The following STK32C variants were observed in gnomAD, a reference collection of about 807,000 sequenced individuals.
The protein encoded by STK32C is serine/threonine kinase 32C, also known as serine/threonine-protein kinase 32C.
A neutral mutation model predicts 56.5 loss-of-function variants in STK32C; 31 were observed. That is an observed-to-expected ratio of 0.55 (90% CI 0.41 to 0.74). STK32C has a LOEUF of 0.74. STK32C is among the 30% of genes least tolerant of loss of function. The pLI is 0.00. For synonymous variants in STK32C, 309 were observed against 289.4 expected, an observed-to-expected ratio of 1.07 and a Z score of -0.69; for missense variants, 544 against 676.9, an observed-to-expected ratio of 0.80 and a Z score of 2.18.
chr10:132,331,657 A>C (rs759933218), exon 1 of STK32C: 1 of 1,612,816 alleles, frequency 6.2e-7, no homozygotes, highest in East Asian at 2.2e-5. Context: ...GTGCCTCAGC[A>C]GCAATTCTTT....
At chr10:132,318,353 C>T (rs934010667) in intron 1 of STK32C, among the ~76,000 whole-genome samples, 16 of 151,992 alleles carry the variant, frequency 1.1e-4, no homozygotes, top group African/African-American at 3.6e-4. Flanking sequence ...CGGTGGCTCA[C>T]GCTTGTAATC....
intron 10 of STK32C, among the ~76,000 whole-genome samples, chr10:132,221,017 C>T (rs538977757): frequency 5.3e-5 from 8 of 152,366 alleles, no homozygotes; most frequent in South Asian, 4.1e-4. Context: ...CATTTCATTA[C>T]GACTCAGATC....
Position 132,234,995 on chromosome 10 carries a change from G to C in STK32C, c.319-6867C>G, listed in dbSNP as rs186267598. Reference sequence around the variant, plus strand: ...GACACACGGTTGGGGAAGAAAGCAAGGTGAAGCTGTGACTGGTGTGAGCGG... The same window carrying C: ...GACACACGGTTGGGGAAGAAAGCAACGTGAAGCTGTGACTGGTGTGAGCGG... On this transcript the variant is annotated intron_variant, in intron 2 of 11. Transcript: ENST00000298630. 1.2e-3 allele frequency among the ~76,000 whole-genome samples: 180 copies of C among 152,326 alleles called. 1 individual carries two copies. The highest frequency in any genetic ancestry group is 4.2e-3 in the African/African-American group (174 of 41,570).
At chr10:132,249,141 T>G (rs778741616) in intron 1 of STK32C, 3 of 299,582 alleles carry the variant, frequency 1.0e-5, no homozygotes, top group Non-Finnish European at 2.1e-5. Context: ...CGTCAGGGCG[T>G]GCAGGGGGCG....
In STK32C at chr10:132,226,754, C is replaced by T. The variant is rs745349355; in HGVS notation, c.644+41G>A. ...CTGACCTAAGGCTGCTTCAGCCCCG[C>T]CCACCTCAGCAGGTACCTGCGCCGT... On this transcript the variant is annotated intron_variant, in intron 4 of 11. Coordinates refer to ENST00000298630, the MANE Select transcript of STK32C (RefSeq NM_173575.4). The T allele has an allele frequency of 4.4e-6, 7 of 1,597,004 alleles. 1 individual carries two copies. In the South Asian group the frequency reaches 6.6e-5, roughly 15 times the overall value.
At chr10:132,331,974 C>G (rs1250375219), upstream of STK32C, 1 of 492,852 alleles carries the variant, frequency 2.0e-6, no homozygotes, top group Non-Finnish European at 3.5e-6. Context: ...ACCCCGCCCC[C>G]TCCCGGGCAG....
chr10:132,232,348 C>G (rs536619291), intron 2 of STK32C, among the ~76,000 whole-genome samples: 13 of 152,296 alleles, frequency 8.5e-5, no homozygotes, highest in African/African-American at 3.1e-4. Context: ...GTGAAGACAA[C>G]AGAGAAGAGG....
chr10:132,307,931 C>T lies in STK32C; in HGVS notation c.-98G>A, dbSNP rs1231540074. ...TAGCGGGAGCGCTCGGGGCCGGCAG[C>T]GCCCGCCGTGCGCTCTTCTGGGCGG... On this transcript the variant is annotated 5_prime_UTR_variant, in exon 1 of 12. Transcript: ENST00000298630. This position sits in a 1 kb window ranked among gnomAD's most constrained non-coding sequence, Gnocchi z 4.4. 3 of 1,071,410 alleles carry T rather than the reference C, an allele frequency of 2.8e-6. No individual in the cohort carries two copies. The highest frequency in any genetic ancestry group is 3.4e-6 in the Non-Finnish European group (3 of 885,338). 66.4% of individuals were successfully genotyped at this position (1,071,410 alleles called of 1,614,324 possible).
At chr10:132,235,497 A>C (rs1459679701) in intron 2 of STK32C, among the ~76,000 whole-genome samples, 10 of 148,318 alleles carry the variant, frequency 6.7e-5, no homozygotes, top group East Asian at 1.9e-4. Context: ...TCAGCCTTAA[A>C]AAAAAAAAAA....
downstream of STK32C, among the ~76,000 whole-genome samples, chr10:132,323,057 C>T (rs11146328): frequency 0.027 from 4,075 of 152,226 alleles, 93 homozygotes; most frequent in African/African-American, 0.046. The surrounding 1 kb of genome is among the most constrained non-coding windows in gnomAD (Gnocchi z 4.8). Context: ...TGCTGCCCTG[C>T]GTCGGACTCA....
At chr10:132,249,167 G>A (rs1279507783) in intron 1 of STK32C, 1 of 409,936 alleles carries the variant, frequency 2.4e-6, no homozygotes, top group African/African-American at 2.1e-5. Flanking sequence ...TGCAGGGGGC[G>A]GGGCTATGGG....
At chr10:132,271,584 G>A (rs531499499) in intron 1 of STK32C, among the ~76,000 whole-genome samples, 1 of 152,322 alleles carries the variant, frequency 6.6e-6, no homozygotes, top group Non-Finnish European at 1.5e-5. Flanking sequence ...GAAGGTGGCC[G>A]TGGCGTCAGC....
chr10:132,218,110 T>C (rs1246816633), intron 10 of STK32C, among the ~76,000 whole-genome samples: 1 of 152,138 alleles, frequency 6.6e-6, no homozygotes, highest in Admixed American at 6.5e-5. Flanking sequence ...CTCCAAGAGT[T>C]TGAGACCAAC....
exon 2 of STK32C, chr10:132,324,241 C>A (rs1590514319): frequency 1.3e-6 from 1 of 779,768 alleles, no homozygotes. Flanking sequence ...TCATTACACA[C>A]CCCCTCTTGA....
exon 1 of STK32C, chr10:132,331,549 A>G: frequency 6.2e-7 from 1 of 1,612,932 alleles, no homozygotes; most frequent in Non-Finnish European, 8.5e-7. Flanking sequence ...ATTTGGGGAC[A>G]AGCAGCTCCT....
At position 132,245,782 on chromosome 10, in the gene STK32C, G is replaced by A; in HGVS notation, c.318+118C>T. On this transcript the variant is annotated intron_variant, in intron 2 of 11. Transcript: ENST00000298630. ...CTAAAAGACCTGGAGCCTCTGCCCA[G>A]GTAAGGCTGCTTCTCCCAAGGAGGA... The A allele has an allele frequency of 3.9e-6, 4 of 1,036,180 alleles. No individual in the cohort carries two copies. The South Asian group carries it at 5.5e-5, about 14-fold the overall frequency. 64.2% of individuals were successfully genotyped at this position (1,036,180 alleles called of 1,614,324 possible).
At chr10:132,217,016 T>TA (rs2062493613) in intron 10 of STK32C, among the ~76,000 whole-genome samples, 1 of 151,908 alleles carries the variant, frequency 6.6e-6, no homozygotes, top group Non-Finnish European at 1.5e-5. Flanking sequence ...CACTGCCTAG[T>TA]GGAGCTCTGA....
chr10:132,247,710 GCTGTGAC>G (rs1194289611), intron 1 of STK32C, among the ~76,000 whole-genome samples: 1 of 152,178 alleles, frequency 6.6e-6, no homozygotes, highest in Non-Finnish European at 1.5e-5. Flanking sequence ...TGAGGAAGGG[GCTGTGAC>G]CTGTGGCCTT....
intron 1 of STK32C, among the ~76,000 whole-genome samples, chr10:132,282,078 T>C (rs1296007963): frequency 1.3e-5 from 2 of 152,154 alleles, no homozygotes; most frequent in African/African-American, 4.8e-5. Flanking sequence ...GCCCAGCCGC[T>C]CCGGGGGTGG....
Sources: allele counts gnomAD v4.1 joint callset (sites outside exome capture counted in the v4.1 genomes callset), GRCh38; gene constraint gnomAD v4.1.1; non-coding constraint Gnocchi (gnomAD v3.1); transcripts MANE v1.5; gene names NCBI Gene and HGNC (gene_info 2026-07-23, HGNC 2026-07-21).